MYO9A: variants seen among roughly 807,000 people sequenced by gnomAD.
MYO9A encodes the protein myosin IXA.
In MYO9A, 103 loss-of-function variants were observed where a neutral mutation model predicts 293.3. That is an observed-to-expected ratio of 0.35 (90% CI 0.30 to 0.41). The LOEUF (loss-of-function observed/expected upper bound fraction) is 0.41. MYO9A is among the 10% of genes least tolerant of loss of function. The probability of loss-of-function intolerance (pLI) is 1.00; values close to 1 mark genes in which losing one functional copy is unlikely to be tolerated. For synonymous variants in MYO9A, 1,001 were observed against 1,035.7 expected, an observed-to-expected ratio of 0.97 and a Z score of 0.64; for missense variants, 2,685 against 3,033.0, an observed-to-expected ratio of 0.89 and a Z score of 2.69.
chr15:72,118,391 G>A (rs1416796669), upstream of MYO9A: 1 of 159,372 alleles, frequency 6.3e-6, no homozygotes, highest in Admixed American at 6.5e-5. Context: ...CTCTGAGTTT[G>A]CGACCGTAGC....
At chr15:71,909,008 T>TATGTAGCCTTTTCATATTGGC (rs2057756065) in intron 19 of MYO9A, among the ~76,000 whole-genome samples, 1 of 152,212 alleles carries the variant, frequency 6.6e-6, no homozygotes, top group South Asian at 2.1e-4. Flanking sequence ...AATCTTATGG[T>TATGTAGCCTTTTCATATTGGC]ATGTAGCCTT....
rs148842560 is a variant in MYO9A, at chr15:71,935,251, T to C, written c.2522+90A>G. 456 of 1,329,848 alleles carry C rather than the reference T, an allele frequency of 3.4e-4. No individual in the cohort carries two copies. The African/African-American group carries it at 5.0e-3, about 15-fold the overall frequency. 82.4% of individuals were successfully genotyped at this position (1,329,848 alleles called of 1,614,324 possible). On this transcript the variant is annotated intron_variant, in intron 17 of 41. Transcript: ENST00000356056. ...TTCCCATGAAAATAACATTTCACCA[T>C]CTTCCTTCTTCATTTTTTTCTGCCA...
At chr15:72,078,181 C>G (rs753218766) in intron 1 of MYO9A, among the ~76,000 whole-genome samples, 5 of 152,070 alleles carry the variant, frequency 3.3e-5, no homozygotes, top group Non-Finnish European at 5.9e-5. Context: ...TGGTATTTAC[C>G]CAAATGAGCT....
intron 1 of MYO9A, chr15:72,114,370 G>A (rs2080890713): frequency 6.6e-6 from 1 of 152,190 alleles, no homozygotes; most frequent in Non-Finnish European, 1.5e-5. Flanking sequence ...GATATTTTCA[G>A]TTAAAATAAG....
intron 18 of MYO9A, among the ~76,000 whole-genome samples, chr15:71,927,051 C>T (rs1049896930): frequency 7.9e-5 from 12 of 152,024 alleles, no homozygotes; most frequent in African/African-American, 2.7e-4. Context: ...AGTGGGGCCA[C>T]CAAGTGGGCC....
intron 11 of MYO9A, among the ~76,000 whole-genome samples, chr15:71,988,638 A>G (rs1032644951): frequency 2.0e-5 from 3 of 152,144 alleles, no homozygotes; most frequent in Non-Finnish European, 2.9e-5. Flanking sequence ...AGATCCAATG[A>G]TAGGAGACTT....
intron 32 of MYO9A, among the ~76,000 whole-genome samples, chr15:71,869,913 A>C (rs1243596910): frequency 6.6e-6 from 1 of 152,188 alleles, no homozygotes; most frequent in Non-Finnish European, 1.5e-5. Flanking sequence ...AAGAATGCTA[A>C]CTGCCTACTA....
intron 1 of MYO9A, among the ~76,000 whole-genome samples, chr15:72,069,833 G>C (rs560428859): frequency 3.9e-5 from 6 of 152,016 alleles, no homozygotes; most frequent in African/African-American, 1.4e-4. Context: ...GCAGGGCCGG[G>C]GGAGGCTGGT....
At chr15:71,870,831 G>C (rs1341356076) in intron 32 of MYO9A, among the ~76,000 whole-genome samples, 5 of 152,170 alleles carry the variant, frequency 3.3e-5, no homozygotes, top group Non-Finnish European at 7.3e-5. Context: ...TTGGAACTTT[G>C]TGGAATTTCT....
chr15:71,973,179 G>C, intron 12 of MYO9A, among the ~76,000 whole-genome samples: 1 of 152,116 alleles, frequency 6.6e-6, no homozygotes, highest in Non-Finnish European at 1.5e-5. Flanking sequence ...TCTGAGACAT[G>C]TGGTTACCAA....
chr15:71,867,817 C>A (rs185141018), intron 32 of MYO9A, among the ~76,000 whole-genome samples: 1 of 140,426 alleles, frequency 7.1e-6, no homozygotes, highest in African/African-American at 2.7e-5. Flanking sequence ...CACACACACA[C>A]ACACACACAC....
chr15:72,060,334 G>A (rs183075461), intron 1 of MYO9A, among the ~76,000 whole-genome samples: 4 of 150,998 alleles, frequency 2.6e-5, no homozygotes, highest in African/African-American at 7.3e-5. Flanking sequence ...TTATACTGTT[G>A]GATACTTATA....
chr15:71,854,904 C>T lies in MYO9A; in HGVS notation c.6154-335G>A, dbSNP rs535793307. On this transcript the variant is annotated intron_variant, in intron 34 of 41. Transcript: ENST00000356056. Reference sequence around the variant, plus strand: ...ATTTTATATGCAAACAGCTTGACCACCTACCAGATACCACTAGAAAATCTA... The same window carrying T: ...ATTTTATATGCAAACAGCTTGACCATCTACCAGATACCACTAGAAAATCTA... Among the ~76,000 whole-genome samples the T allele has an allele frequency of 1.8e-4, 28 of 152,262 alleles. No homozygotes were observed. The South Asian group carries it at 5.8e-3, about 32-fold the overall frequency.
Position 71,916,356 on chromosome 15 carries a change from A to C in MYO9A, c.2685+14T>G, listed in dbSNP as rs770002071. 6.1e-5 allele frequency: 98 copies of C among 1,604,426 alleles called. No homozygotes were observed. The highest frequency in any genetic ancestry group is 7.6e-5 in the Non-Finnish European group (89 of 1,177,614). On this transcript the variant is annotated intron_variant, in intron 19 of 41. Transcript: ENST00000356056. ...TACAGATTCTTATTTGTTTTAAGCGAAACAAGAAATAACCTGAAACTGGGC... is the reference window on the plus strand; with the variant it reads ...TACAGATTCTTATTTGTTTTAAGCGCAACAAGAAATAACCTGAAACTGGGC...
chr15:71,835,425 T>G (rs2054899738), intron 39 of MYO9A, among the ~76,000 whole-genome samples: 1 of 152,168 alleles, frequency 6.6e-6, no homozygotes, highest in Non-Finnish European at 1.5e-5. Flanking sequence ...TTAGAATAAG[T>G]GAATTCAGCA....
At position 72,077,653 on chromosome 15, in the gene MYO9A, G is replaced by C. The variant is rs528600301; in HGVS notation, c.-71-31019C>G. ...GGGTGGTGGCAGGGTGGCGGGGGGCGGCGCGGGCAGAGGTTGCAGTGAGCC... is the reference window on the plus strand; with the variant it reads ...GGGTGGTGGCAGGGTGGCGGGGGGCCGCGCGGGCAGAGGTTGCAGTGAGCC... On this transcript the variant is annotated intron_variant, in intron 1 of 41. Transcript: ENST00000356056. 5.8e-4 allele frequency among the ~76,000 whole-genome samples: 87 copies of C among 150,476 alleles called. No homozygotes were observed. The Middle Eastern group carries it at 0.014, about 24-fold the overall frequency.
At chr15:71,999,816 C>T (rs1263170499) in intron 9 of MYO9A, 35 bp downstream of exon 9, 6 of 1,556,674 alleles carry the variant, frequency 3.9e-6, no homozygotes, top group African/African-American at 1.4e-5. Flanking sequence ...TAACAATGTC[C>T]AGAATGCTTT....
chr15:71,957,972 G>C (rs1265981070), intron 14 of MYO9A, among the ~76,000 whole-genome samples: 3 of 152,014 alleles, frequency 2.0e-5, no homozygotes, highest in African/African-American at 7.2e-5. Context: ...ATAATTCCCA[G>C]TCAGGTTATT....
intron 26 of MYO9A, among the ~76,000 whole-genome samples, chr15:71,889,046 C>T (rs1016984339): frequency 6.6e-6 from 1 of 152,162 alleles, no homozygotes; most frequent in East Asian, 1.9e-4. Flanking sequence ...GAGGAGGAAC[C>T]CAGGTGAAAC....
Sources: allele counts gnomAD v4.1 joint callset (sites outside exome capture counted in the v4.1 genomes callset), GRCh38; gene constraint gnomAD v4.1.1; transcripts MANE v1.5; gene names NCBI Gene and HGNC (gene_info 2026-07-23, HGNC 2026-07-21).